CDKAL1: variants seen among roughly 807,000 people sequenced by gnomAD.
CDKAL1 encodes CDKAL1 threonylcarbamoyladenosine tRNA methylthiotransferase.
CDKAL1 carries 32 observed loss-of-function variants against 68.2 expected under a neutral mutation model. The observed-to-expected ratio is 0.47, with a 90% confidence interval of 0.35 to 0.63. The LOEUF (loss-of-function observed/expected upper bound fraction) is 0.63. Among genes scored for constraint, CDKAL1 ranks in the 30% least tolerant of loss-of-function variants. CDKAL1 has a pLI of 0.00. For synonymous variants in CDKAL1, 234 were observed against 244.3 expected, an observed-to-expected ratio of 0.96 and a Z score of 0.39; for missense variants, 606 against 696.7, an observed-to-expected ratio of 0.87 and a Z score of 1.47.
intron 8 of CDKAL1, among the ~76,000 whole-genome samples, chr6:20,814,134 A>G (rs531205468): frequency 2.2e-4 from 34 of 152,122 alleles, no homozygotes; most frequent in Non-Finnish European, 4.3e-4. Flanking sequence ...TAGGTCTTGC[A>G]TATCTTTTGT....
At chr6:20,728,848 TTTTTC>T (rs1561722758) in intron 5 of CDKAL1, among the ~76,000 whole-genome samples, 3 of 152,328 alleles carry the variant, frequency 2.0e-5, no homozygotes, top group East Asian at 1.9e-4. Context: ...TGCTTACTCT[TTTTTC>T]TTTTCTTTTC....
At chr6:21,003,371 T>TATATATACACACAC in intron 11 of CDKAL1, among the ~76,000 whole-genome samples, 1 of 49,302 alleles carries the variant, frequency 2.0e-5, no homozygotes, top group Admixed American at 2.9e-4. Context: ...TATATATATA[T>TATATATACACACAC]ACACACACAC....
chr6:20,858,240 A>G (rs1759437928), intron 9 of CDKAL1, among the ~76,000 whole-genome samples: 2 of 152,246 alleles, frequency 1.3e-5, no homozygotes, highest in Non-Finnish European at 2.9e-5. Context: ...CAAGCCTGGG[A>G]ATGTTTATTT....
At chr6:20,709,885 CTA>C (rs1771769416) in intron 5 of CDKAL1, among the ~76,000 whole-genome samples, 1 of 152,094 alleles carries the variant, frequency 6.6e-6, no homozygotes, top group East Asian at 1.9e-4. Flanking sequence ...AAGAATTTCT[CTA>C]TGTTTTTATT....
At chr6:21,034,145 C>G (rs1769446955) in intron 11 of CDKAL1, among the ~76,000 whole-genome samples, 1 of 152,014 alleles carries the variant, frequency 6.6e-6, no homozygotes, top group Non-Finnish European at 1.5e-5. Context: ...TGTGACAATG[C>G]TATAGAAAGA....
At chr6:20,824,834 T>C (rs1464565016) in intron 8 of CDKAL1, among the ~76,000 whole-genome samples, 12 of 152,192 alleles carry the variant, frequency 7.9e-5, no homozygotes, top group Admixed American at 7.9e-4. Flanking sequence ...GAGGCTCATA[T>C]AACATTTTTA....
intron 9 of CDKAL1, among the ~76,000 whole-genome samples, chr6:20,859,793 A>C (rs1202056688): frequency 1.3e-5 from 2 of 152,222 alleles, no homozygotes; most frequent in Admixed American, 6.5e-5. Flanking sequence ...ATGAGATCCC[A>C]TGTGATCTGG....
intron 12 of CDKAL1, among the ~76,000 whole-genome samples, chr6:21,099,445 C>T (rs1420171426): frequency 6.6e-6 from 1 of 151,880 alleles, no homozygotes; most frequent in African/African-American, 2.4e-5. Flanking sequence ...CTTTTTCCAG[C>T]CATTTTTAAA....
chr6:20,728,364 A>G (rs779929373), intron 5 of CDKAL1, among the ~76,000 whole-genome samples: 19 of 152,338 alleles, frequency 1.2e-4, no homozygotes, highest in Middle Eastern at 3.4e-3. Context: ...CGTTTACTCC[A>G]GAAATTTTTA....
At chr6:20,706,435 A>G (rs1023275830) in intron 5 of CDKAL1, among the ~76,000 whole-genome samples, 4 of 152,224 alleles carry the variant, frequency 2.6e-5, no homozygotes, top group African/African-American at 4.8e-5. Context: ...CAACTAGCCT[A>G]GTTTCCACCC....
chr6:20,823,819 G>T (rs1466650650), intron 8 of CDKAL1, among the ~76,000 whole-genome samples: 2 of 152,066 alleles, frequency 1.3e-5, no homozygotes, highest in African/African-American at 4.8e-5. Context: ...TTTTGTAAAT[G>T]GAAATACCAC....
chr6:20,802,318 T>C (rs147936574), intron 8 of CDKAL1, among the ~76,000 whole-genome samples: 21 of 35,614 alleles, frequency 5.9e-4, no homozygotes, highest in South Asian at 4.4e-3. Context: ...ACAACAACAA[T>C]AATAATAATA....
intron 11 of CDKAL1, among the ~76,000 whole-genome samples, chr6:21,043,333 A>G (rs1023872076): frequency 1.5e-5 from 2 of 137,536 alleles, no homozygotes; most frequent in East Asian, 2.0e-4. Context: ...ATGTGTGTGT[A>G]TGTGTGTGTG....
At chr6:21,025,754 A>G (rs921715652) in intron 11 of CDKAL1, among the ~76,000 whole-genome samples, 3 of 152,180 alleles carry the variant, frequency 2.0e-5, no homozygotes, top group Non-Finnish European at 4.4e-5. Context: ...GAAGTTTATC[A>G]AGAGAAAGAA....
intron 13 of CDKAL1, among the ~76,000 whole-genome samples, chr6:21,109,804 A>C (rs1259317572): frequency 2.6e-5 from 4 of 152,232 alleles, no homozygotes; most frequent in Non-Finnish European, 5.9e-5. Context: ...GCAGTGGCTA[A>C]AGTTAACATT....
chr6:20,616,281 T>A (rs984337584), intron 4 of CDKAL1, among the ~76,000 whole-genome samples: 3 of 151,678 alleles, frequency 2.0e-5, no homozygotes, highest in Non-Finnish European at 4.4e-5. Flanking sequence ...TTTGGTTCCA[T>A]ATGAACTTTA....
intron 11 of CDKAL1, among the ~76,000 whole-genome samples, chr6:21,005,149 G>T (rs1767655153): frequency 6.6e-6 from 1 of 151,886 alleles, no homozygotes; most frequent in East Asian, 1.9e-4. Flanking sequence ...CCAATTCAAT[G>T]ATTTTTGTAC....
intron 11 of CDKAL1, among the ~76,000 whole-genome samples, chr6:21,035,429 T>A (rs531772493): frequency 6.6e-6 from 1 of 152,118 alleles, no homozygotes; most frequent in Admixed American, 6.6e-5. Flanking sequence ...TTGTTTCAAG[T>A]GTAGCTCACT....
At chr6:20,914,805 C>T (rs796352136) in intron 9 of CDKAL1, among the ~76,000 whole-genome samples, 3 of 152,248 alleles carry the variant, frequency 2.0e-5, no homozygotes, top group African/African-American at 7.2e-5. Flanking sequence ...ATTTTCCTGC[C>T]TTTTTAACGT....
Sources: allele counts gnomAD v4.1 joint callset (sites outside exome capture counted in the v4.1 genomes callset), GRCh38; gene constraint gnomAD v4.1.1; transcripts MANE v1.5; gene names NCBI Gene and HGNC (gene_info 2026-07-23, HGNC 2026-07-21).